BAMBI: variants seen among roughly 807,000 people sequenced by gnomAD.
BAMBI encodes the protein BMP and activin membrane bound inhibitor.
A neutral mutation model predicts 24.1 loss-of-function variants in BAMBI; 21 were observed. The observed-to-expected ratio is 0.87, with a 90% CI of 0.62 to 1.26. The LOEUF (loss-of-function observed/expected upper bound fraction) is 1.26. Ranked by LOEUF, BAMBI falls within the 50% of genes most tolerant of loss-of-function variation. The pLI is 0.00. For missense variants in BAMBI, 388 were observed against 329.1 expected (o/e 1.18, Z -1.38); for synonymous variants, 156 against 123.1 (o/e 1.27, Z -1.77).
In BAMBI at chr10:28,680,013, C is replaced by G. The variant is rs373586656; in HGVS notation, c.77-1245C>G. On this transcript the variant is annotated intron_variant, in intron 1 of 2. Coordinates refer to ENST00000375533, the MANE Select transcript of BAMBI (RefSeq NM_012342.3). ...TTAGCAGCGTCCGGTGAAAACTGAG[C>G]ATACAATACCGTGGTCTGGAATTTG... Among the ~76,000 whole-genome samples, 8 of 152,248 alleles carry G rather than the reference C, an allele frequency of 5.3e-5. No individual in the cohort carries two copies. In the East Asian group the frequency reaches 1.5e-3, roughly 29 times the overall value.
Position 28,682,122 on chromosome 10 carries a change from T to TA in BAMBI, c.505dup (p.Ile169AsnfsTer11), listed in dbSNP as rs1411989376. 6.2e-7 allele frequency: 1 copy of TA among 1,614,106 alleles called. No individual in the cohort carries two copies. Among genetic ancestry groups the TA allele is most frequent in the East Asian group, 2.2e-5 (1 of 44,878 alleles). ...CTGGAGGGCTGATTTTAGTGTTGCT[T>TA]ATTATGTTGGCCCTGAGGATGCTTC... On this transcript the variant is annotated frameshift_variant, in exon 3 of 3. Coordinates refer to ENST00000375533, the MANE Select transcript of BAMBI (RefSeq NM_012342.3). LOFTEE classifies it high-confidence loss of function.
At chr10:28,680,314 T>C (rs1834483646) in intron 1 of BAMBI, among the ~76,000 whole-genome samples, 4 of 152,156 alleles carry the variant, frequency 2.6e-5, no homozygotes, top group Non-Finnish European at 5.9e-5. Context: ...TATTAAAGCC[T>C]CCAATCTTGC....
At chr10:28,678,067 C>A (rs1259381852) in intron 1 of BAMBI, 94 bp downstream of exon 1, 3 of 1,143,084 alleles carry the variant, frequency 2.6e-6, no homozygotes, top group Non-Finnish European at 2.4e-6. Context: ...AGGCGAGGCT[C>A]CCTCCTGCGC....
At position 28,682,657 on chromosome 10, in the gene BAMBI, A is replaced by G; in HGVS notation, c.*256A>G. 8.3e-6 allele frequency: 3 copies of G among 359,690 alleles called. No individual in the cohort carries two copies. Among genetic ancestry groups the G allele is most frequent in the African/African-American group, 2.1e-5 (1 of 48,770 alleles). 22.3% of individuals were successfully genotyped at this position (359,690 alleles called of 1,614,324 possible). On this transcript the variant is annotated 3_prime_UTR_variant, in exon 3 of 3. Coordinates refer to ENST00000375533, the MANE Select transcript of BAMBI (RefSeq NM_012342.3). ...ACACACTGTCACCAGGGTTATTTGC[A>G]TCCAAGGGAGCTGGAATTGAGTACC...
intron 1 of BAMBI, among the ~76,000 whole-genome samples, chr10:28,680,974 A>T (rs1169669018): frequency 6.6e-6 from 1 of 152,230 alleles, no homozygotes; most frequent in Admixed American, 6.5e-5. Flanking sequence ...AGGAGAAATT[A>T]TACTCATTAC....
rs1429103323 is a variant in BAMBI at position 28,678,031 on chromosome 10, C to G, written c.76+58C>G. On this transcript the variant is annotated intron_variant, in intron 1 of 2. Transcript: ENST00000375533. ...CCGTCCTCGCCGCGGGGCTTTGGAG[C>G]CGGCTGCAGAGGCTTTGTTAGCGGC... 5 of 1,442,566 alleles carry G rather than the reference C, an allele frequency of 3.5e-6. No individual in the cohort carries two copies. In the Admixed American group the frequency reaches 8.7e-5, roughly 25 times the overall value. 89.4% of individuals were successfully genotyped at this position (1,442,566 alleles called of 1,614,324 possible).
In BAMBI at chr10:28,682,332, C is replaced by T; in HGVS notation, c.714C>T (p.Ser238=). The change falls in exon 3 of 3, where the codon AGC becomes AGT. Residue 238 remains serine (S), a synonymous_variant. Coordinates refer to ENST00000375533, the MANE Select transcript of BAMBI (RefSeq NM_012342.3). ...TCDKMRQADL[S]NDKILSLVHW... is the part of the protein sequence containing the mutation. ...ATAAAATGAGACAAGCAGACCTCAG[C>T]AACGATAAGATCCTCTCGCTTGTTC... is the stretch of plus-strand genomic sequence containing the variant. 6.2e-7 allele frequency: 1 copy of T among 1,614,032 alleles called. No homozygotes were observed. Among genetic ancestry groups the T allele is most frequent in the Non-Finnish European group, 8.5e-7 (1 of 1,180,012 alleles).
chr10:28,677,934 C>T lies in BAMBI; in HGVS notation c.37C>T (p.Gln13Ter), dbSNP rs989679143. ...CTCCAGCTACATCTTCATCTGGCTGCAGCTGGAGCTCTGCGCCATGGCCGT... is the reference window on the plus strand; with the variant it reads ...CTCCAGCTACATCTTCATCTGGCTGTAGCTGGAGCTCTGCGCCATGGCCGT... ...RHSSYIFIWL[Q>*]LELCAMAVLL... Residue 13 changes from glutamine (Q) to a stop codon, truncating the protein, a stop_gained, in exon 1 of 3, where the codon CAG becomes TAG. Transcript: ENST00000375533. LOFTEE classifies it high-confidence loss of function. 4 of 1,534,294 alleles carry T rather than the reference C, an allele frequency of 2.6e-6. No homozygotes were observed. Among genetic ancestry groups the T allele is most frequent in the Non-Finnish European group, 2.6e-6 (3 of 1,147,094 alleles).
In BAMBI at chr10:28,682,428, T is replaced by G. The variant is rs371529004; in HGVS notation, c.*27T>G. The G allele has an allele frequency of 1.9e-5, 30 of 1,583,054 alleles. No homozygotes were observed. Among genetic ancestry groups the G allele is most frequent in the Non-Finnish European group, 2.4e-5 (28 of 1,159,886 alleles). ...GGAGTCTTATCTGAACTACACTTAC[T>G]GAACAGCTTGAAGGCCTTTTGAGTT... On this transcript the variant is annotated 3_prime_UTR_variant, in exon 3 of 3. Coordinates refer to ENST00000375533, the MANE Select transcript of BAMBI (RefSeq NM_012342.3).
chr10:28,681,725 G>A (rs933844693), intron 2 of BAMBI, 180 bp downstream of exon 2: 3 of 774,882 alleles, frequency 3.9e-6, no homozygotes, highest in South Asian at 1.9e-5. Context: ...AGCATTAGAT[G>A]TCTGTCTACA....
In BAMBI at chr10:28,678,619, ATC is replaced by A. The variant is rs1271560214; in HGVS notation, c.76+650_76+651del. On this transcript the variant is annotated intron_variant, in intron 1 of 2. Coordinates refer to ENST00000375533, the MANE Select transcript of BAMBI (RefSeq NM_012342.3). ...TGTGTCTGTCTCTAAGTGTCTTTGT[ATC>A]TCTGAATGTGCATCTGAGTCTCTGT... 2.0e-5 allele frequency among the ~76,000 whole-genome samples: 3 copies of A among 151,658 alleles called. No homozygotes were observed. The South Asian group carries it at 6.3e-4, about 32-fold the overall frequency.
chr10:28,679,131 C>A (rs1415811100), intron 1 of BAMBI, among the ~76,000 whole-genome samples: 2 of 152,120 alleles, frequency 1.3e-5, no homozygotes, highest in Non-Finnish European at 1.5e-5. Context: ...AAATAACAGC[C>A]CTTGTGGCTT....
intron 1 of BAMBI, among the ~76,000 whole-genome samples, chr10:28,678,396 C>T (rs1834461523): frequency 6.6e-6 from 1 of 152,066 alleles, no homozygotes; most frequent in Admixed American, 6.6e-5. Context: ...TCTCAGTATC[C>T]CTAAATGCAT....
At chr10:28,679,064 C>A (rs1834469342) in intron 1 of BAMBI, among the ~76,000 whole-genome samples, 1 of 152,114 alleles carries the variant, frequency 6.6e-6, no homozygotes. Context: ...GCTAGCCCAG[C>A]GAGGATGATG....
At chr10:28,680,902 AT>A (rs1588643768) in intron 1 of BAMBI, among the ~76,000 whole-genome samples, 2 of 152,340 alleles carry the variant, frequency 1.3e-5, no homozygotes, top group East Asian at 3.9e-4. Context: ...AAAGCCTAAC[AT>A]TTTTATGTTG....
rs1264780691 is a variant in BAMBI, at chr10:28,682,869, G to A, written c.*468G>A. 6.6e-6 allele frequency: 1 copy of A among 151,282 alleles called. No homozygotes were observed. The highest frequency in any genetic ancestry group is 1.5e-5 in the Non-Finnish European group (1 of 68,280). The allele number at this position is 151,282 out of a possible 1,614,324, so 9.4% of individuals were successfully genotyped here. A position where few individuals can be genotyped will look rare whatever the true frequency, so the allele number is the denominator to read the frequency against. On this transcript the variant is annotated 3_prime_UTR_variant, in exon 3 of 3. Coordinates refer to ENST00000375533, the MANE Select transcript of BAMBI (RefSeq NM_012342.3). ...TGTTAATAATTTGTTCTCAACTCTA[G>A]GATGTGGCTTGGTTTTTTTTTTTCT...
intron 1 of BAMBI, among the ~76,000 whole-genome samples, chr10:28,678,671 C>T (rs1304876530): frequency 1.3e-5 from 2 of 152,052 alleles, no homozygotes; most frequent in African/African-American, 4.8e-5. Flanking sequence ...GCGTACATCT[C>T]TCTGTGTGCG....
chr10:28,681,149 G>T, intron 1 of BAMBI, 109 bp from the exon 2 acceptor site: 1 of 1,166,560 alleles, frequency 8.6e-7, no homozygotes, highest in Non-Finnish European at 1.2e-6. Context: ...CCCTCAGCTT[G>T]GATGATCTAA....
At chr10:28,679,728 AT>A in intron 1 of BAMBI, among the ~76,000 whole-genome samples, 1 of 152,318 alleles carries the variant, frequency 6.6e-6, no homozygotes, top group South Asian at 2.1e-4. Context: ...CTTTAAATCT[AT>A]ATATGGAATT....
Sources: gnomAD v4.1 joint callset for allele counts (sites outside exome capture counted in the v4.1 genomes callset) on GRCh38, gnomAD v4.1.1 for gene constraint, MANE v1.5 for transcripts, NCBI Gene and HGNC (gene_info 2026-07-23, HGNC 2026-07-21) for gene names.